Variants in FGF12 observed in about 807,000 individuals in gnomAD.
FGF12 encodes the protein fibroblast growth factor 12B.
FGF12 carries 14 observed loss-of-function variants against 23.6 expected under a neutral mutation model. The observed-to-expected ratio is 0.59, with a 90% CI of 0.39 to 0.93. The LOEUF (loss-of-function observed/expected upper bound fraction) is 0.93. Among genes scored for constraint, FGF12 ranks in the 40% least tolerant of loss-of-function variants. The pLI is 0.00. For missense variants in FGF12, 175 were observed against 217.8 expected, an observed-to-expected ratio of 0.80 and a Z score of 1.24; for synonymous variants, 62 against 77.3, an observed-to-expected ratio of 0.80 and a Z score of 1.04.
chr3:192,207,216 G>A (rs1449542149), intron 4 of FGF12, among the ~76,000 whole-genome samples: 1 of 152,122 alleles, frequency 6.6e-6, no homozygotes. Context: ...ATTATTTGTA[G>A]AGCATATAGT....
At chr3:192,209,517 A>T (rs1055770954) in intron 4 of FGF12, among the ~76,000 whole-genome samples, 1 of 152,178 alleles carries the variant, frequency 6.6e-6, no homozygotes, top group Non-Finnish European at 1.5e-5. Flanking sequence ...ATCAAAAGAG[A>T]ATGTATTCTT....
At chr3:192,247,635 T>C (rs6783649) in intron 4 of FGF12, among the ~76,000 whole-genome samples, 1,742 of 152,304 alleles carry the variant, frequency 0.011, 25 homozygotes, top group African/African-American at 0.029. Flanking sequence ...GTCAATAATT[T>C]AATAAATCAT....
At chr3:192,661,396 A>G (rs917565519) in intron 2 of FGF12, among the ~76,000 whole-genome samples, 2 of 152,086 alleles carry the variant, frequency 1.3e-5, no homozygotes, top group African/African-American at 4.8e-5. Context: ...GTGGCATGGG[A>G]TTAAAAATAA....
chr3:192,322,155 G>A (rs550165934), intron 4 of FGF12, among the ~76,000 whole-genome samples: 5 of 151,076 alleles, frequency 3.3e-5, no homozygotes, highest in African/African-American at 1.2e-4. Context: ...TACAAAAATC[G>A]GTGGCATTCT....
intron 2 of FGF12, among the ~76,000 whole-genome samples, chr3:192,722,389 T>C (rs771072617): frequency 1.3e-5 from 2 of 152,220 alleles, no homozygotes; most frequent in African/African-American, 4.8e-5. Context: ...GACATTTCCT[T>C]TCTCTGCTGC....
intron 2 of FGF12, among the ~76,000 whole-genome samples, chr3:192,705,038 T>C (rs1718423709): frequency 6.6e-6 from 1 of 152,262 alleles, no homozygotes; most frequent in Non-Finnish European, 1.5e-5. Context: ...TTTGATCTTC[T>C]ATCCAGATCA....
intron 3 of FGF12, among the ~76,000 whole-genome samples, chr3:192,337,183 T>C (rs1327810446): frequency 2.0e-5 from 3 of 152,154 alleles, no homozygotes; most frequent in African/African-American, 7.2e-5. Flanking sequence ...ACTTCTATAA[T>C]TAAATGTAAT....
intron 2 of FGF12, among the ~76,000 whole-genome samples, chr3:192,489,693 G>T (rs1238070986): frequency 2.6e-5 from 4 of 151,932 alleles, no homozygotes; most frequent in Non-Finnish European, 5.9e-5. Flanking sequence ...TTGAATTTAG[G>T]CTTCATATCT....
intron 2 of FGF12, among the ~76,000 whole-genome samples, chr3:192,503,406 A>C (rs1215961766): frequency 6.6e-6 from 1 of 152,194 alleles, no homozygotes; most frequent in Admixed American, 6.5e-5. Flanking sequence ...TACTATGCCG[A>C]ATTCCAAAAA....
chr3:192,205,181 G>C (rs947459584), intron 4 of FGF12, among the ~76,000 whole-genome samples: 1 of 152,136 alleles, frequency 6.6e-6, no homozygotes, highest in Non-Finnish European at 1.5e-5. Context: ...TAGTGTAATA[G>C]GTCTTTAAGT....
At chr3:192,591,966 A>T (rs2108623097) in intron 2 of FGF12, among the ~76,000 whole-genome samples, 1 of 151,928 alleles carries the variant, frequency 6.6e-6, no homozygotes, top group South Asian at 2.1e-4. Context: ...CAGAAAAAAA[A>T]ATTATAAGAA....
At position 192,150,240 on chromosome 3, in the gene FGF12, G is replaced by A. The variant is rs1265843494; in HGVS notation, c.428-6113C>T. ...GCCCTTTGTCAGATGACTAGGTTGC[G>A]AAAATTTTCTCCCATTTTGTAGGTT... On this transcript the variant is annotated intron_variant, in intron 5 of 5. Coordinates refer to ENST00000445105, the MANE Select transcript of FGF12 (RefSeq NM_004113.6). 2.0e-4 allele frequency among the ~76,000 whole-genome samples: 17 copies of A among 87,108 alleles called. 2 individuals carry two copies. The highest frequency in any genetic ancestry group is 7.0e-4 in the African/African-American group (16 of 22,728). The allele number at this position is 87,108 out of a possible 152,430, so 57.1% of individuals were successfully genotyped here. A position where few individuals can be genotyped will look rare whatever the true frequency, so the allele number is the denominator to read the frequency against.
At chr3:192,541,335 A>G (rs1725359231) in intron 2 of FGF12, among the ~76,000 whole-genome samples, 1 of 152,220 alleles carries the variant, frequency 6.6e-6, no homozygotes, top group Non-Finnish European at 1.5e-5. Context: ...ACATGCAAAT[A>G]ATATCTTATA....
chr3:192,401,683 T>C (rs568984733), intron 2 of FGF12, among the ~76,000 whole-genome samples: 1 of 152,326 alleles, frequency 6.6e-6, no homozygotes, highest in African/African-American at 2.4e-5. Context: ...TGATCTTTCT[T>C]TGGACCCTAG....
chr3:192,324,715 T>A (rs1716732056), intron 4 of FGF12, among the ~76,000 whole-genome samples: 1 of 152,228 alleles, frequency 6.6e-6, no homozygotes, highest in Non-Finnish European at 1.5e-5. Context: ...GATTCACTGA[T>A]GACTAAAGAA....
At chr3:192,389,926 T>G (rs907690990) in intron 2 of FGF12, among the ~76,000 whole-genome samples, 2 of 152,370 alleles carry the variant, frequency 1.3e-5, no homozygotes, top group East Asian at 3.9e-4. Flanking sequence ...TTTAAAATGT[T>G]TAATCTAAAC....
intron 2 of FGF12, among the ~76,000 whole-genome samples, chr3:192,519,528 T>C (rs1410191965): frequency 6.6e-6 from 1 of 152,142 alleles, no homozygotes; most frequent in Non-Finnish European, 1.5e-5. Flanking sequence ...GATTTCCATA[T>C]TGTAAAGTTA....
At chr3:192,606,669 T>A (rs972204636) in intron 2 of FGF12, among the ~76,000 whole-genome samples, 1 of 152,146 alleles carries the variant, frequency 6.6e-6, no homozygotes, top group African/African-American at 2.4e-5. Context: ...ATTGATATGG[T>A]TATTTTCCTG....
chr3:192,286,735 G>A (rs931156180), intron 4 of FGF12, among the ~76,000 whole-genome samples: 1 of 151,966 alleles, frequency 6.6e-6, no homozygotes, highest in Non-Finnish European at 1.5e-5. Context: ...GTATACTCTT[G>A]AGATTGATTT....
Sources: allele counts gnomAD v4.1 joint callset (sites outside exome capture counted in the v4.1 genomes callset), GRCh38; gene constraint gnomAD v4.1.1; transcripts MANE v1.5; gene names NCBI Gene and HGNC (gene_info 2026-07-23, HGNC 2026-07-21).